FGL1: variants seen among roughly 807,000 people sequenced by gnomAD.
FGL1 encodes fibrinogen-like protein 1.
A neutral mutation model predicts 43.7 loss-of-function variants in FGL1; 59 were observed. The observed-to-expected ratio is 1.35, with a 90% confidence interval of 1.10 to 1.68. The LOEUF (loss-of-function observed/expected upper bound fraction) is 1.68, where lower values mean the gene tolerates loss of function less well. Among genes scored for constraint, FGL1 ranks in the 40% most tolerant of loss-of-function variants. The pLI, the probability that FGL1 is intolerant of heterozygous loss-of-function variation, is 0.00. For missense variants in FGL1, 596 were observed against 373.0 expected, an observed-to-expected ratio of 1.60 and a Z score of -4.92; for synonymous variants, 192 against 126.5, an observed-to-expected ratio of 1.52 and a Z score of -3.48.
At chr8:17,875,539 T>TCTCTCTCTCTCTC (rs1563452393) in intron 3 of FGL1, among the ~76,000 whole-genome samples, 7 of 14,696 alleles carry the variant, frequency 4.8e-4, no homozygotes, top group Admixed American at 1.3e-3. Flanking sequence ...TTCTTTCTCT[T>TCTCTCTCTCTCTC]TCTTTCTTTC....
intron 3 of FGL1, among the ~76,000 whole-genome samples, chr8:17,878,904 T>C (rs2053495315): frequency 6.7e-6 from 1 of 150,172 alleles, no homozygotes; most frequent in African/African-American, 2.4e-5. Flanking sequence ...CCATATTATA[T>C]ATATATAAAA....
chr8:17,879,989 T>C (rs2053510760), intron 3 of FGL1, among the ~76,000 whole-genome samples: 1 of 152,210 alleles, frequency 6.6e-6, no homozygotes, highest in South Asian at 2.1e-4. Context: ...TACGAGTTCC[T>C]CGCCCTTGAG....
intron 4 of FGL1, 102 bp from the exon 5 acceptor site, chr8:17,874,218 A>G: frequency 7.4e-7 from 1 of 1,348,920 alleles, no homozygotes; most frequent in Non-Finnish European, 1.0e-6. Context: ...TATTTTCTTG[A>G]TTAGTTAATT....
At chr8:17,868,462 A>G in intron 7 of FGL1, 86 bp downstream of exon 7, 4 of 981,458 alleles carry the variant, frequency 4.1e-6, no homozygotes, top group Non-Finnish European at 5.7e-6. Flanking sequence ...AAAGACTAAC[A>G]TTACCATACA....
intron 2 of FGL1, 46 bp from the exon 3 acceptor site, chr8:17,882,225 GA>G: frequency 6.7e-7 from 1 of 1,489,308 alleles, no homozygotes; most frequent in African/African-American, 1.4e-5. Flanking sequence ...CATTTTCATG[GA>G]AAACAAGTGC....
In FGL1 at chr8:17,895,461, G is replaced by A. The variant is rs2053761900; in HGVS notation, c.-32C>T. On this transcript the variant is annotated 5_prime_UTR_variant, in exon 1 of 8. Transcript: ENST00000427924. Reference sequence around the variant, plus strand: ...AAATAACTTGCCTAAAGTCAGAAGTGAGTCAGAGACCCAGCTCAGGTTCCA... The same window carrying A: ...AAATAACTTGCCTAAAGTCAGAAGTAAGTCAGAGACCCAGCTCAGGTTCCA... 1 of 1,282,016 alleles carries A rather than the reference G, an allele frequency of 7.8e-7. No homozygotes were observed. Among genetic ancestry groups the A allele is most frequent in the African/African-American group, 1.5e-5 (1 of 65,654 alleles). 79.4% of individuals were successfully genotyped at this position (1,282,016 alleles called of 1,614,324 possible). A position where few individuals can be genotyped will look rare whatever the true frequency, so the allele number is the denominator to read the frequency against.
At chr8:17,871,515 A>C (rs186128617) in intron 5 of FGL1, among the ~76,000 whole-genome samples, 3,068 of 151,822 alleles carry the variant, frequency 0.02, 56 homozygotes, top group South Asian at 0.047. Flanking sequence ...AAAAAAAAAA[A>C]CTTCTATTAT....
intron 3 of FGL1, among the ~76,000 whole-genome samples, chr8:17,877,493 C>T (rs1357123248): frequency 6.6e-6 from 1 of 152,002 alleles, no homozygotes; most frequent in African/African-American, 2.4e-5. Context: ...GCACAAAGTA[C>T]CCCACATTCT....
At chr8:17,893,282 G>A (rs561042018) in intron 1 of FGL1, among the ~76,000 whole-genome samples, 19 of 152,124 alleles carry the variant, frequency 1.2e-4, no homozygotes, top group Non-Finnish European at 2.1e-4. Context: ...GTTTGATTCT[G>A]GCTCTTGCAT....
intron 5 of FGL1, among the ~76,000 whole-genome samples, chr8:17,872,652 T>C (rs761828930): frequency 1.2e-4 from 18 of 152,140 alleles, no homozygotes; most frequent in Admixed American, 7.9e-4. Context: ...TTTTTGGGCA[T>C]TACAGTTGCC....
intron 7 of FGL1, among the ~76,000 whole-genome samples, chr8:17,867,519 C>T (rs1419743769): frequency 6.6e-6 from 1 of 152,184 alleles, no homozygotes; most frequent in South Asian, 2.1e-4. Flanking sequence ...TTAACAACAA[C>T]TAATAATAAA....
At chr8:17,881,793 C>T (rs996241395) in intron 3 of FGL1, among the ~76,000 whole-genome samples, 4 of 148,870 alleles carry the variant, frequency 2.7e-5, no homozygotes, top group African/African-American at 1.0e-4. Context: ...AAAATTGCAC[C>T]ACTGCACTCC....
At chr8:17,877,161 C>T (rs1407479904) in intron 3 of FGL1, among the ~76,000 whole-genome samples, 1 of 151,728 alleles carries the variant, frequency 6.6e-6, no homozygotes, top group Non-Finnish European at 1.5e-5. Flanking sequence ...TCAAAATGTT[C>T]TGACCCACTC....
intron 2 of FGL1, among the ~76,000 whole-genome samples, chr8:17,883,494 T>C (rs1393463676): frequency 7.8e-6 from 1 of 128,906 alleles, no homozygotes; most frequent in East Asian, 2.1e-4. Context: ...TATAATATAT[T>C]AAATATATTT....
In FGL1 at chr8:17,880,299, G is replaced by C. The variant is rs1486632822; in HGVS notation, c.244+1700C>G. On this transcript the variant is annotated intron_variant, in intron 3 of 7. Transcript: ENST00000427924. ...AGATAAGGATCTTGGTAGAAAAAAA[G>C]GGAGCATTTTAAGAGTCTCATGCGC... 3.3e-5 allele frequency among the ~76,000 whole-genome samples: 5 copies of C among 152,210 alleles called. No homozygotes were observed. In the East Asian group the frequency reaches 5.8e-4, roughly 18 times the overall value.
Position 17,894,033 on chromosome 8 carries a change from A to T in FGL1, c.-18+1414T>A, listed in dbSNP as rs2053742639. Among the ~76,000 whole-genome samples the T allele has an allele frequency of 1.4e-5, 2 of 146,754 alleles. 1 individual carries two copies. Among genetic ancestry groups the T allele is most frequent in the African/African-American group, 5.4e-5 (2 of 37,288 alleles). ...CATAATTTTAATGCTATAAATTCTA[A>T]TTCCTTCCCCACTATATTTAAAAAA... On this transcript the variant is annotated intron_variant, in intron 1 of 7. Coordinates refer to ENST00000427924, the MANE Select transcript of FGL1 (RefSeq NM_004467.4).
At chr8:17,881,113 A>G (rs934695954) in intron 3 of FGL1, among the ~76,000 whole-genome samples, 3 of 150,192 alleles carry the variant, frequency 2.0e-5, no homozygotes, top group East Asian at 2.0e-4. Flanking sequence ...AAAATTCCCA[A>G]TTGTAATCTG....
In FGL1 at chr8:17,878,774, G is replaced by A. The variant is rs746641971; in HGVS notation, c.244+3225C>T. Among the ~76,000 whole-genome samples, 7 of 151,906 alleles carry A rather than the reference G, an allele frequency of 4.6e-5. No individual in the cohort carries two copies. In the South Asian group the frequency reaches 1.2e-3, roughly 27 times the overall value. Reference sequence around the variant, plus strand: ...TAATTTAGTAATAATAAAGTAACTTGTAAATAAGAAGAAAAGATTTATATT... The same window carrying A: ...TAATTTAGTAATAATAAAGTAACTTATAAATAAGAAGAAAAGATTTATATT... On this transcript the variant is annotated intron_variant, in intron 3 of 7. Transcript: ENST00000427924.
chr8:17,888,318 G>C (rs1349263563), intron 1 of FGL1, among the ~76,000 whole-genome samples: 1 of 152,072 alleles, frequency 6.6e-6, no homozygotes, highest in African/African-American at 2.4e-5. Context: ...ATTAATATTC[G>C]CTAATTAATA....
Sources: allele counts gnomAD v4.1 joint callset (sites outside exome capture counted in the v4.1 genomes callset), GRCh38; gene constraint gnomAD v4.1.1; transcripts MANE v1.5; gene names NCBI Gene and HGNC (gene_info 2026-07-23, HGNC 2026-07-21).